The following ADCY3 variants were observed in gnomAD, a reference collection of about 807,000 sequenced individuals.
ADCY3 encodes the protein adenylate cyclase type 3.
ADCY3 carries 70 observed loss-of-function variants against 119.4 expected under a neutral mutation model. The ratio of observed to expected loss-of-function variants is 0.59; its 90% CI spans 0.48 to 0.72. The LOEUF (loss-of-function observed/expected upper bound fraction) is 0.72. Ranked by LOEUF, ADCY3 falls within the 30% of genes least tolerant of loss-of-function variation. The pLI, the probability that ADCY3 is intolerant of heterozygous loss-of-function variation, is 0.00. For missense variants in ADCY3, 1,238 were observed against 1,541.6 expected (o/e 0.80, Z 3.30); for synonymous variants, 672 against 621.4 (o/e 1.08, Z -1.21).
chr2:24,882,712 G>T (rs1207123590), intron 2 of ADCY3, among the ~76,000 whole-genome samples: 1 of 152,118 alleles, frequency 6.6e-6, no homozygotes, highest in Non-Finnish European at 1.5e-5. Flanking sequence ...CCCATACTGG[G>T]CCCTGGAGAT....
intron 2 of ADCY3, among the ~76,000 whole-genome samples, chr2:24,900,635 T>C (rs1077642): frequency 0.03 from 4,568 of 152,198 alleles, 96 homozygotes; most frequent in African/African-American, 0.057. Flanking sequence ...CTGGAAACCA[T>C]GTCGCCTGAG....
In ADCY3 at chr2:24,834,429, C is replaced by T. The variant is rs2278486; in HGVS notation, c.1967+56G>A. On this transcript the variant is annotated intron_variant, in intron 11 of 21. Coordinates refer to ENST00000679454, the MANE Select transcript of ADCY3 (RefSeq NM_004036.5). The surrounding 1 kb of genome is among the most constrained non-coding windows in gnomAD (Gnocchi z 4.2). ...CGCTGAGACACCTGCCCCCGCCCCC[C>T]GCCCGGCACCACCGCAGCCGAGGAA... The T allele has an allele frequency of 3.9e-4, 489 of 1,262,370 alleles. 1 individual carries two copies. In the African/African-American group the frequency reaches 6.4e-3, roughly 16 times the overall value. The allele number at this position is 1,262,370 out of a possible 1,614,324, so 78.2% of individuals were successfully genotyped here.
chr2:24,876,153 C>A (rs1675686307), intron 2 of ADCY3, among the ~76,000 whole-genome samples: 1 of 152,068 alleles, frequency 6.6e-6, no homozygotes, highest in Non-Finnish European at 1.5e-5. Flanking sequence ...TCACTTGTCC[C>A]AGCTAATTTT....
intron 2 of ADCY3, among the ~76,000 whole-genome samples, chr2:24,912,269 C>T (rs1041906116): frequency 6.7e-6 from 1 of 150,190 alleles, no homozygotes; most frequent in East Asian, 1.9e-4. Flanking sequence ...TCAGGCCCAG[C>T]CTGGGCAACA....
At chr2:24,914,535 CGTG>C (rs1161248713) in intron 2 of ADCY3, among the ~76,000 whole-genome samples, 1 of 152,060 alleles carries the variant, frequency 6.6e-6, no homozygotes, top group Non-Finnish European at 1.5e-5. Context: ...ATTAGCCAGA[CGTG>C]GTGGCGGCCA....
At chr2:24,879,190 G>A (rs977799954) in intron 2 of ADCY3, among the ~76,000 whole-genome samples, 1 of 152,098 alleles carries the variant, frequency 6.6e-6, no homozygotes, top group Admixed American at 6.5e-5. Context: ...CTGAAAGACT[G>A]GGCCGGGCGC....
rs1313751019 is a variant in ADCY3 at position 24,919,031 on chromosome 2, A to C, written c.-44T>G. On this transcript the variant is annotated 5_prime_UTR_variant, in exon 2 of 22. Coordinates refer to ENST00000679454, the MANE Select transcript of ADCY3 (RefSeq NM_004036.5). The surrounding 1 kb of genome is among the most constrained non-coding windows in gnomAD (Gnocchi z 5.5). The stretch of plus-strand genomic sequence containing the variant: ...CTGGCCCTAGAGAAGTGGACTGGGA[A>C]CGGAGGAAGAGCTCTGGACTGGGCC... 7 of 1,498,336 alleles carry C rather than the reference A, an allele frequency of 4.7e-6. No homozygotes were observed. Among genetic ancestry groups the C allele is most frequent in the Non-Finnish European group, 6.2e-6 (7 of 1,125,452 alleles). The allele number at this position is 1,498,336 out of a possible 1,614,324, so 92.8% of individuals were successfully genotyped here. A position where few individuals can be genotyped will look rare whatever the true frequency, so the allele number is the denominator to read the frequency against.
chr2:24,829,013 CTTTT>C (rs1311448132), intron 13 of ADCY3, among the ~76,000 whole-genome samples: 3 of 87,986 alleles, frequency 3.4e-5, no homozygotes, highest in South Asian at 8.6e-4. Context: ...TAGACTTATT[CTTTT>C]TTTTCTTTTT....
At chr2:24,840,613 G>A (rs1670886275) in intron 6 of ADCY3, 1 of 449,204 alleles carries the variant, frequency 2.2e-6, no homozygotes, top group Non-Finnish European at 4.6e-6. Flanking sequence ...TGGGGGAGGG[G>A]CCTCGGCAGG....
chr2:24,821,061 T>C, intron 20 of ADCY3: 1 of 622,262 alleles, frequency 1.6e-6, no homozygotes, highest in Non-Finnish European at 2.7e-6. Context: ...CCCCCCCATA[T>C]GCAGATTTAC....
chr2:24,834,621 A>T lies in ADCY3; in HGVS notation c.1831T>A (p.Leu611Met), dbSNP rs769764228. 1.7e-5 allele frequency: 28 copies of T among 1,614,138 alleles called. No homozygotes were observed. The highest frequency in any genetic ancestry group is 2.3e-5 in the Non-Finnish European group (27 of 1,180,030). Residue 611 changes from leucine to methionine, a missense_variant, in exon 11 of 22, where the codon TTG becomes ATG. By Grantham distance (15) the Leu-to-Met change is conservative (BLOSUM62 2). Coordinates refer to ENST00000679454, the MANE Select transcript of ADCY3 (RefSeq NM_004036.5). This position sits in a 1 kb window ranked among gnomAD's most constrained non-coding sequence, Gnocchi z 4.2. The part of the protein sequence containing the change: ...QVVKKRNTFL[L>M]SMRFMDPEME... ...TCGGGGTCCATGAACCGCATGGACAAGAGGAAGGTGTTTCTCTTCTTTACT... is the reference window on the plus strand; with the variant it reads ...TCGGGGTCCATGAACCGCATGGACATGAGGAAGGTGTTTCTCTTCTTTACT...
chr2:24,838,941 ATTTTTT>A, intron 7 of ADCY3: 11 of 1,138,040 alleles, frequency 9.7e-6, no homozygotes, highest in East Asian at 4.7e-5. Context: ...GCGATAAGGA[ATTTTTT>A]TTTTTTTTTT....
At chr2:24,887,185 C>T (rs1316289712) in intron 2 of ADCY3, among the ~76,000 whole-genome samples, 7 of 152,114 alleles carry the variant, frequency 4.6e-5, no homozygotes, top group Non-Finnish European at 8.8e-5. Context: ...GAAGACGTGC[C>T]GAGCGAAAGG....
At position 24,842,626 on chromosome 2, in the gene ADCY3, C is replaced by T. The variant is rs577809095; in HGVS notation, c.826-242G>A. On this transcript the variant is annotated intron_variant, in intron 3 of 21. Coordinates refer to ENST00000679454, the MANE Select transcript of ADCY3 (RefSeq NM_004036.5). The surrounding 1 kb of genome is among the most constrained non-coding windows in gnomAD (Gnocchi z 4.9). Reference sequence around the variant, plus strand: ...CAGAGCAACTGAGGGGAGCCAGAAACGCAGTGAAGCATCCCAACGTGGCTC... The same window carrying T: ...CAGAGCAACTGAGGGGAGCCAGAAATGCAGTGAAGCATCCCAACGTGGCTC... 9.4e-5 allele frequency: 48 copies of T among 509,054 alleles called. No homozygotes were observed. The highest frequency in any genetic ancestry group is 2.3e-4 in the Admixed American group (7 of 31,016). The allele number at this position is 509,054 out of a possible 1,614,324, so 31.5% of individuals were successfully genotyped here.
chr2:24,837,534 G>A (rs149232541), intron 8 of ADCY3, among the ~76,000 whole-genome samples: 1 of 152,300 alleles, frequency 6.6e-6, no homozygotes, highest in Non-Finnish European at 1.5e-5. Flanking sequence ...CTTTGCTTTA[G>A]CCATAATTAG....
chr2:24,856,370 C>G (rs976347542), intron 3 of ADCY3, among the ~76,000 whole-genome samples: 1 of 152,174 alleles, frequency 6.6e-6, no homozygotes, highest in African/African-American at 2.4e-5. Context: ...TCACTGTAAC[C>G]CATCACAGGC....
chr2:24,829,018 T>TC (rs1553335370), intron 13 of ADCY3, among the ~76,000 whole-genome samples: 1 of 87,980 alleles, frequency 1.1e-5, no homozygotes, highest in East Asian at 8.1e-4. Flanking sequence ...TTATTCTTTT[T>TC]TTTCTTTTTT....
chr2:24,820,550 C>G lies in ADCY3; in HGVS notation c.3252+174G>C, dbSNP rs1189094560. On this transcript the variant is annotated intron_variant, in intron 21 of 21. Transcript: ENST00000679454. ...ATTTTGTGGATGGGTGGAAGTGTTT[C>G]TTCCTGTGCTGAGGCTAGCTATTGC... 2.1e-6 allele frequency: 3 copies of G among 1,409,892 alleles called. No individual in the cohort carries two copies. The East Asian group carries it at 7.5e-5, about 35-fold the overall frequency. 87.3% of individuals were successfully genotyped at this position (1,409,892 alleles called of 1,614,324 possible).
chr2:24,887,627 C>G (rs375568474), intron 2 of ADCY3, among the ~76,000 whole-genome samples: 144 of 151,930 alleles, frequency 9.5e-4, no homozygotes, highest in Middle Eastern at 3.4e-3. Context: ...CCAGCCCACT[C>G]CCCCCCGACA....
Sources: allele counts gnomAD v4.1 joint callset (sites outside exome capture counted in the v4.1 genomes callset), GRCh38; gene constraint gnomAD v4.1.1; non-coding constraint Gnocchi (gnomAD v3.1); transcripts MANE v1.5; gene names NCBI Gene and HGNC (gene_info 2026-07-23, HGNC 2026-07-21).